HDAC9: variants seen among roughly 807,000 people sequenced by gnomAD.
The protein encoded by HDAC9 is histone deacetylase 9, also known as MEF-2 interacting transcription repressor (MITR) protein.
HDAC9 carries 41 observed loss-of-function variants against 139.4 expected under a neutral mutation model. The ratio of observed to expected loss-of-function variants is 0.29; its 90% CI spans 0.23 to 0.38. The LOEUF (loss-of-function observed/expected upper bound fraction) is 0.38, where lower values mean the gene tolerates loss of function less well. HDAC9 is among the 10% of genes least tolerant of loss of function. The pLI is 1.00. For missense variants in HDAC9, 1,147 were observed against 1,297.0 expected (o/e 0.88, Z 1.78); for synonymous variants, 517 against 476.2 (o/e 1.09, Z -1.12).
chr7:18,859,811 C>CATATATATATATATAT (rs56249427), intron 21 of HDAC9, among the ~76,000 whole-genome samples: 2 of 44,842 alleles, frequency 4.5e-5, no homozygotes, highest in Admixed American at 2.9e-4. Flanking sequence ...CTAACGCTCT[C>CATATATATATATATAT]ATATATATAT....
intron 9 of HDAC9, among the ~76,000 whole-genome samples, chr7:18,647,414 C>G (rs2129028383): frequency 6.6e-6 from 1 of 152,202 alleles, no homozygotes; most frequent in South Asian, 2.1e-4. Context: ...AAAATCTATT[C>G]TCTGAGAAAT....
intron 2 of HDAC9, among the ~76,000 whole-genome samples, chr7:18,572,433 C>T (rs532092605): frequency 1.6e-3 from 246 of 151,010 alleles, no homozygotes; most frequent in Admixed American, 4.9e-3. Context: ...CAGAGGATTT[C>T]CTTATAACTC....
chr7:18,674,765 C>T (rs951070101), intron 12 of HDAC9, among the ~76,000 whole-genome samples: 20 of 151,834 alleles, frequency 1.3e-4, no homozygotes, highest in African/African-American at 4.8e-4. Context: ...TGGGCTATTT[C>T]TTGTCCTCAG....
chr7:18,462,527 C>G (rs1793936976), intron 1 of HDAC9, among the ~76,000 whole-genome samples: 1 of 152,090 alleles, frequency 6.6e-6, no homozygotes, highest in African/African-American at 2.4e-5. Flanking sequence ...CCAACCCCAA[C>G]CCCAATCCAA....
Position 18,593,998 on chromosome 7 carries a change from T to G in HDAC9, c.633T>G (p.Asp211Glu), listed in dbSNP as rs1831734619. 6.2e-7 allele frequency: 1 copy of G among 1,612,734 alleles called. No homozygotes were observed. The highest frequency in any genetic ancestry group is 2.2e-5 in the East Asian group (1 of 44,864). ...AGTACACATTACCAGGAGCACAAGA[T>G]GCAAAGGATGATTTCCCCCTTCGAA... Reference protein sequence around the residue: ...SYKYTLPGAQDAKDDFPLRKT... With the variant: ...SYKYTLPGAQEAKDDFPLRKT... Residue 211 changes from aspartate (D) to glutamate (E), a missense_variant, in exon 6 of 26, where the codon GAT (aspartate) becomes GAG (glutamate). Asp to Glu is a conservative substitution (Grantham distance 45). Transcript: ENST00000686413.
chr7:18,716,994 T>G (rs1784746273), intron 12 of HDAC9, among the ~76,000 whole-genome samples: 1 of 116,260 alleles, frequency 8.6e-6, no homozygotes, highest in South Asian at 2.5e-4. Context: ...TTAGCACTTT[T>G]TTTTTTTTTT....
At chr7:18,372,393 T>C (rs1449691532) in intron 1 of HDAC9, among the ~76,000 whole-genome samples, 1 of 152,196 alleles carries the variant, frequency 6.6e-6, no homozygotes, top group African/African-American at 2.4e-5. Context: ...AGGACAGGCA[T>C]GGCAGGAAGA....
intron 2 of HDAC9, among the ~76,000 whole-genome samples, chr7:18,209,023 G>A (rs1303789862): frequency 2.0e-5 from 3 of 152,226 alleles, no homozygotes; most frequent in Admixed American, 6.5e-5. Context: ...ACCTTGCTTA[G>A]CAGCTTTACC....
At chr7:18,193,740 A>AT (rs942517400) in intron 2 of HDAC9, among the ~76,000 whole-genome samples, 85 of 150,202 alleles carry the variant, frequency 5.7e-4, no homozygotes, top group Middle Eastern at 3.4e-3. Context: ...CTATGAGCTG[A>AT]TTTTTTTTTT....
chr7:18,320,737 C>T (rs894913012), intron 1 of HDAC9, among the ~76,000 whole-genome samples: 1 of 152,060 alleles, frequency 6.6e-6, no homozygotes, highest in African/African-American at 2.4e-5. Flanking sequence ...CATTTCCTCC[C>T]ACTTTGTTTC....
At chr7:18,874,801 G>A (rs1422261001) in intron 22 of HDAC9, among the ~76,000 whole-genome samples, 1 of 152,110 alleles carries the variant, frequency 6.6e-6, no homozygotes, top group East Asian at 1.9e-4. Context: ...TGCTTTGTTT[G>A]GTGGACATGA....
rs759135669 is a variant in HDAC9, at chr7:18,873,712, G to T, written c.2685-766G>T. Among the ~76,000 whole-genome samples, 47 of 152,172 alleles carry T rather than the reference G, an allele frequency of 3.1e-4. 1 individual carries two copies. Among genetic ancestry groups the T allele is most frequent in the Non-Finnish European group, 6.3e-4 (43 of 67,994 alleles). ...ATTTGAATTTTTATGATGGCATACTGGTCTTCAAGCCTATGTTAAAAATTT... is the reference window on the plus strand; with the variant it reads ...ATTTGAATTTTTATGATGGCATACTTGTCTTCAAGCCTATGTTAAAAATTT... On this transcript the variant is annotated intron_variant, in intron 21 of 25. Transcript: ENST00000686413.
At chr7:18,734,658 C>T (rs1480691592) in intron 13 of HDAC9, among the ~76,000 whole-genome samples, 2 of 152,198 alleles carry the variant, frequency 1.3e-5, no homozygotes, top group African/African-American at 4.8e-5. Context: ...TGAGTCGATT[C>T]CAGGTCTTTC....
At chr7:18,390,127 G>A (rs1786336495) in intron 1 of HDAC9, among the ~76,000 whole-genome samples, 2 of 150,924 alleles carry the variant, frequency 1.3e-5, no homozygotes, top group Admixed American at 1.3e-4. Flanking sequence ...GGGGGATGAG[G>A]CAAGGGGTGA....
intron 13 of HDAC9, among the ~76,000 whole-genome samples, chr7:18,733,098 T>C (rs1786492356): frequency 6.9e-6 from 1 of 145,650 alleles, no homozygotes; most frequent in Non-Finnish European, 1.5e-5. Context: ...TATACATGTG[T>C]ATATATACAT....
chr7:18,978,148 A>G (rs1004578180), intron 25 of HDAC9, among the ~76,000 whole-genome samples: 6 of 152,224 alleles, frequency 3.9e-5, no homozygotes, highest in Non-Finnish European at 8.8e-5. Flanking sequence ...AAAAATTAGA[A>G]AAATCAGAGA....
chr7:18,957,366 G>A (rs148100579), intron 24 of HDAC9, among the ~76,000 whole-genome samples: 2 of 152,204 alleles, frequency 1.3e-5, no homozygotes, highest in Non-Finnish European at 2.9e-5. Context: ...ACTTCATAAT[G>A]GCTTGGGAAA....
intron 1 of HDAC9, chr7:18,430,502 G>C (rs1464456030): frequency 6.6e-6 from 1 of 152,132 alleles, no homozygotes; most frequent in African/African-American, 2.4e-5. Flanking sequence ...AGGATTATAG[G>C]TGTGAGTCAT....
intron 16 of HDAC9, among the ~76,000 whole-genome samples, chr7:18,772,435 A>G (rs1308816859): frequency 6.6e-6 from 1 of 152,030 alleles, no homozygotes; most frequent in East Asian, 1.9e-4. Context: ...TTTCAACCCA[A>G]TTATCCTGAG....
Sources: allele counts gnomAD v4.1 joint callset (sites outside exome capture counted in the v4.1 genomes callset), GRCh38; gene constraint gnomAD v4.1.1; transcripts MANE v1.5; gene names NCBI Gene and HGNC (gene_info 2026-07-23, HGNC 2026-07-21).